Variants in MAPRE2 observed in about 807,000 individuals in gnomAD.
The protein encoded by MAPRE2 is microtubule associated protein RP/EB family member 2, also known as microtubule-associated protein RP/EB family member 2.
MAPRE2 carries 13 observed loss-of-function variants against 43.2 expected under a neutral mutation model. The observed-to-expected ratio is 0.30, with a 90% CI of 0.20 to 0.48. The LOEUF is 0.48. Among genes scored for constraint, MAPRE2 ranks in the 20% least tolerant of loss-of-function variants. The pLI, the probability that MAPRE2 is intolerant of heterozygous loss-of-function variation, is 0.99. For missense variants in MAPRE2, 161 were observed against 400.2 expected (o/e 0.40, Z 5.10); for synonymous variants, 135 against 148.8 (o/e 0.91, Z 0.68).
At chr18:34,991,735 G>A (rs916536524) in intron 1 of MAPRE2, among the ~76,000 whole-genome samples, 5 of 152,094 alleles carry the variant, frequency 3.3e-5, no homozygotes, top group African/African-American at 1.2e-4. Context: ...CCCAGACCTG[G>A]GACCTTGGGT....
intron 4 of MAPRE2, among the ~76,000 whole-genome samples, chr18:35,112,184 CTTT>C (rs1163762591): frequency 5.0e-5 from 7 of 140,984 alleles, no homozygotes; most frequent in Admixed American, 7.2e-5. Flanking sequence ...TCCTTCCTTC[CTTT>C]TTTTTTTTTT....
Position 35,140,276 on chromosome 18 carries a change from A to G in MAPRE2, c.910-19A>G, listed in dbSNP as rs774887323. ...TTCCCAGTCAATTATCTCAGCTGAA[A>G]CTTCTCCCCTGCCCACAGGAGGGCC... On this transcript the variant is annotated intron_variant, in intron 6 of 6. Transcript: ENST00000300249. The G allele has an allele frequency of 1.9e-6, 3 of 1,610,926 alleles. No individual in the cohort carries two copies. The South Asian group carries it at 3.3e-5, about 18-fold the overall frequency.
At chr18:35,110,631 A>G (rs1321126384) in intron 4 of MAPRE2, among the ~76,000 whole-genome samples, 1 of 152,168 alleles carries the variant, frequency 6.6e-6, no homozygotes, top group South Asian at 2.1e-4. Flanking sequence ...CTGCAGGTCC[A>G]GTGGCAAAAA....
At chr18:35,057,507 C>CGTGCGTGTGTGTGT (rs369602242) in intron 1 of MAPRE2, among the ~76,000 whole-genome samples, 1 of 149,408 alleles carries the variant, frequency 6.7e-6, no homozygotes, top group Non-Finnish European at 1.5e-5. Flanking sequence ...GGAGTGTGTG[C>CGTGCGTGTGTGTGT]GTGTGTGTGT....
chr18:35,054,607 C>T (rs189235043), intron 1 of MAPRE2, among the ~76,000 whole-genome samples: 175 of 152,210 alleles, frequency 1.1e-3, no homozygotes, highest in Non-Finnish European at 1.9e-3. Context: ...GAGGATGTGC[C>T]GTGAACGGAA....
At chr18:35,030,359 C>A (rs367565936) in intron 2 of MAPRE2, among the ~76,000 whole-genome samples, 1 of 152,340 alleles carries the variant, frequency 6.6e-6, no homozygotes, top group Admixed American at 6.5e-5. Flanking sequence ...ATCCCTGCCA[C>A]TCCCCACCCT....
intron 1 of MAPRE2, among the ~76,000 whole-genome samples, chr18:34,980,359 A>T (rs72964283): frequency 0.03 from 4,524 of 152,124 alleles, 112 homozygotes; most frequent in Non-Finnish European, 0.036. Flanking sequence ...AGTGTCTTGC[A>T]CACAGCAAGC....
At chr18:35,104,010 T>C (rs370670182) in intron 4 of MAPRE2, among the ~76,000 whole-genome samples, 23 of 151,876 alleles carry the variant, frequency 1.5e-4, no homozygotes, top group African/African-American at 5.6e-4. Flanking sequence ...TCTTTGGAAA[T>C]ACATACATTT....
At chr18:34,985,609 A>G (rs1263560631) in intron 1 of MAPRE2, among the ~76,000 whole-genome samples, 1 of 98,158 alleles carries the variant, frequency 1.0e-5, no homozygotes, top group Admixed American at 1.7e-4. Flanking sequence ...CATATGATAT[A>G]TTATAATAAT....
chr18:35,058,702 A>G (rs994653341), intron 1 of MAPRE2, among the ~76,000 whole-genome samples: 3 of 152,222 alleles, frequency 2.0e-5, no homozygotes, highest in Non-Finnish European at 4.4e-5. Flanking sequence ...CCAAATCTCT[A>G]CATTTTGAGC....
chr18:35,075,754 CAA>C (rs535904308), intron 2 of MAPRE2, among the ~76,000 whole-genome samples: 19 of 139,912 alleles, frequency 1.4e-4, no homozygotes, highest in East Asian at 1.2e-3. Context: ...AAGAAGGGGA[CAA>C]AAAAAAAAGA....
rs1910184113 is a variant in MAPRE2 at position 35,132,161 on chromosome 18, A to C, written c.880A>C (p.Met294Leu). The C allele has an allele frequency of 6.2e-7, 1 of 1,614,098 alleles. No homozygotes were observed. Among genetic ancestry groups the C allele is most frequent in the Admixed American group, 1.7e-5 (1 of 60,012 alleles). Residue 294 changes from methionine (M) to leucine (L), a missense_variant, in exon 6 of 7, where the codon ATG (methionine) becomes CTG (leucine). By Grantham distance (15) the Met-to-Leu change is conservative. This residue lies in a region of MAPRE2 where 96 missense variants were observed against 153.3 expected (regional missense o/e 0.63). Transcript: ENST00000300249. ...AAATGATGACCTCGTGCAGAGACTA[A>C]TGGACATCCTGTATGCTTCAGAAGA... is the stretch of plus-strand genomic sequence containing the variant. ...QENDDLVQRL[M>L]DILYASEEHE...
At chr18:34,994,802 A>T (rs1263764881) in intron 1 of MAPRE2, among the ~76,000 whole-genome samples, 1 of 152,202 alleles carries the variant, frequency 6.6e-6, no homozygotes, top group Non-Finnish European at 1.5e-5. Flanking sequence ...CTTTACAGAA[A>T]ACTGTAAAAA....
At chr18:35,115,967 T>G (rs1909391025) in intron 4 of MAPRE2, among the ~76,000 whole-genome samples, 1 of 152,242 alleles carries the variant, frequency 6.6e-6, no homozygotes, top group Admixed American at 6.5e-5. Context: ...ATTGATTTAG[T>G]TTGTCAACAA....
chr18:35,100,054 A>G (rs1205079059), intron 3 of MAPRE2, among the ~76,000 whole-genome samples: 1 of 152,220 alleles, frequency 6.6e-6, no homozygotes, highest in East Asian at 1.9e-4. Context: ...ATATTGTCAC[A>G]TAGCAAAGCT....
chr18:35,126,287 C>G (rs986345699), intron 4 of MAPRE2, among the ~76,000 whole-genome samples: 5 of 152,208 alleles, frequency 3.3e-5, no homozygotes, highest in Non-Finnish European at 7.3e-5. Context: ...CCTTCAAGCT[C>G]TTGATATAAA....
intron 2 of MAPRE2, among the ~76,000 whole-genome samples, chr18:35,080,169 CGGA>C (rs1294077116): frequency 2.0e-5 from 3 of 152,094 alleles, no homozygotes; most frequent in Non-Finnish European, 4.4e-5. Flanking sequence ...AGGATTCAGA[CGGA>C]GAAGAAGATG....
intron 2 of MAPRE2, among the ~76,000 whole-genome samples, chr18:35,018,073 G>T (rs1312516938): frequency 6.6e-6 from 1 of 151,946 alleles, no homozygotes; most frequent in Admixed American, 6.6e-5. Context: ...TGATCACAGG[G>T]TCTTTGTTTT....
chr18:35,001,469 G>A (rs1305166586), intron 1 of MAPRE2, among the ~76,000 whole-genome samples: 1 of 150,810 alleles, frequency 6.6e-6, no homozygotes, highest in Non-Finnish European at 1.5e-5. Context: ...AGCAGAGATG[G>A]AGCCATTGCA....
Sources: allele counts gnomAD v4.1 joint callset (sites outside exome capture counted in the v4.1 genomes callset), GRCh38; gene constraint gnomAD v4.1.1; regional missense constraint gnomAD v4.1.1; transcripts MANE v1.5; gene names NCBI Gene and HGNC (gene_info 2026-07-23, HGNC 2026-07-21).